Variants in NEK6 observed in about 807,000 individuals in gnomAD.
The protein encoded by NEK6 is NIMA related kinase 6.
NEK6 carries 27 observed loss-of-function variants against 43.5 expected under a neutral mutation model. The observed-to-expected ratio is 0.62, with a 90% CI of 0.46 to 0.86. The LOEUF (loss-of-function observed/expected upper bound fraction) is 0.86. Ranked by LOEUF, NEK6 falls within the 40% of genes least tolerant of loss-of-function variation. The probability of loss-of-function intolerance (pLI) is 0.00; values close to 1 mark genes in which losing one functional copy is unlikely to be tolerated. For missense variants in NEK6, 318 were observed against 414.4 expected, an observed-to-expected ratio of 0.77 and a Z score of 2.02; for synonymous variants, 167 against 164.1, an observed-to-expected ratio of 1.02 and a Z score of -0.14.
chr9:124,303,355 T>G (rs1833092080), intron 2 of NEK6, among the ~76,000 whole-genome samples: 1 of 129,200 alleles, frequency 7.7e-6, no homozygotes, highest in African/African-American at 2.6e-5. Flanking sequence ...GACTTCAGAT[T>G]GGCTGATGTT....
chr9:124,287,487 G>A (rs1438832794), intron 1 of NEK6, among the ~76,000 whole-genome samples: 1 of 152,146 alleles, frequency 6.6e-6, no homozygotes, highest in Non-Finnish European at 1.5e-5. Context: ...GTTGTCATGC[G>A]GCTCCCTATG....
At chr9:124,350,153 C>T (rs544260560) in intron 9 of NEK6, among the ~76,000 whole-genome samples, 11 of 152,332 alleles carry the variant, frequency 7.2e-5, no homozygotes, top group Non-Finnish European at 1.6e-4. Context: ...GGGCTGACCA[C>T]CCCTCCAGCA....
At position 124,281,487 on chromosome 9, in the gene NEK6, C is replaced by CTTTTTT. The variant is rs759381068; in HGVS notation, c.-29-20424_-29-20419dup. 5.1e-4 allele frequency among the ~76,000 whole-genome samples: 52 copies of CTTTTTT among 102,960 alleles called. 1 individual carries two copies. The highest frequency in any genetic ancestry group is 1.0e-3 in the African/African-American group (26 of 25,700). The allele number at this position is 102,960 out of a possible 152,430, so 67.5% of individuals were successfully genotyped here. On this transcript the variant is annotated intron_variant, in intron 1 of 9. Coordinates refer to ENST00000320246, the MANE Select transcript of NEK6 (RefSeq NM_014397.6). The stretch of plus-strand genomic sequence containing the variant: ...CTACTTTCCATGTCAGCTGTTTTTT[C>CTTTTTT]TTTTTTTTTTTTTTTTTTTTTTTTT...
At chr9:124,306,022 C>T (rs946194489) in intron 2 of NEK6, among the ~76,000 whole-genome samples, 4 of 152,102 alleles carry the variant, frequency 2.6e-5, no homozygotes, top group Non-Finnish European at 5.9e-5. Context: ...CTAGATAGAT[C>T]ACTGGTGGCT....
chr9:124,305,617 A>G (rs186343731), intron 2 of NEK6, among the ~76,000 whole-genome samples: 14 of 152,108 alleles, frequency 9.2e-5, no homozygotes, highest in Non-Finnish European at 1.5e-4. Flanking sequence ...CAATTCAGCA[A>G]CTGTTTTTTT....
At chr9:124,282,668 G>A (rs1046897593) in intron 1 of NEK6, among the ~76,000 whole-genome samples, 2 of 151,618 alleles carry the variant, frequency 1.3e-5, no homozygotes, top group Non-Finnish European at 2.9e-5. Context: ...GGGCACGGGA[G>A]GGCCGGGATC....
intron 2 of NEK6, among the ~76,000 whole-genome samples, chr9:124,305,357 C>T (rs1010913611): frequency 2.1e-4 from 32 of 152,078 alleles, no homozygotes; most frequent in Non-Finnish European, 1.0e-4. Context: ...AGTTCAAGAC[C>T]AACCTGGGCA....
chr9:124,302,835 C>G (rs1471036033), intron 2 of NEK6, among the ~76,000 whole-genome samples: 1 of 152,252 alleles, frequency 6.6e-6, no homozygotes, highest in African/African-American at 2.4e-5. Context: ...GTCTGCCTCA[C>G]TTTCTAGATG....
rs144443420 is a variant in NEK6 at position 124,271,485 on chromosome 9, C to T, written c.-30+13400C>T. Reference sequence around the variant, plus strand: ...TAGTACCCACTGTGCACCGGAGACCCGGCCAAGTACTTTCCGTGTGTTGCC... The same window carrying T: ...TAGTACCCACTGTGCACCGGAGACCTGGCCAAGTACTTTCCGTGTGTTGCC... On this transcript the variant is annotated intron_variant, in intron 1 of 9. Coordinates refer to ENST00000320246, the MANE Select transcript of NEK6 (RefSeq NM_014397.6). 3.7e-3 allele frequency among the ~76,000 whole-genome samples: 562 copies of T among 152,340 alleles called. 15 individuals carry two copies. The highest frequency in any genetic ancestry group is 7.8e-4 in the Admixed American group (12 of 15,304).
chr9:124,336,910 G>A (rs2131021424), intron 7 of NEK6, among the ~76,000 whole-genome samples: 1 of 151,932 alleles, frequency 6.6e-6, no homozygotes, highest in Admixed American at 6.6e-5. Context: ...TCAGGAGGCT[G>A]AGGCATGAGA....
chr9:124,323,698 C>G (rs1437992996), intron 5 of NEK6, among the ~76,000 whole-genome samples: 2 of 152,090 alleles, frequency 1.3e-5, no homozygotes, highest in African/African-American at 4.8e-5. Context: ...ACCTCAGTTT[C>G]CACCCTGTCC....
At chr9:124,332,449 C>T (rs1829051533) in intron 7 of NEK6, among the ~76,000 whole-genome samples, 1 of 152,214 alleles carries the variant, frequency 6.6e-6, no homozygotes, top group South Asian at 2.1e-4. Flanking sequence ...GAAGCAGGTG[C>T]AGCCCAGCCA....
intron 7 of NEK6, among the ~76,000 whole-genome samples, chr9:124,331,855 G>T (rs182623415): frequency 6.6e-6 from 1 of 152,220 alleles, no homozygotes; most frequent in African/African-American, 2.4e-5. Flanking sequence ...ATCCCAGGCC[G>T]CCTCCTGCCC....
At chr9:124,279,265 A>C (rs1831787022) in intron 1 of NEK6, among the ~76,000 whole-genome samples, 1 of 149,924 alleles carries the variant, frequency 6.7e-6, no homozygotes, top group South Asian at 2.1e-4. Context: ...ACACCAGCCC[A>C]GTCCCTTTGC....
intron 3 of NEK6, 68 bp from the exon 4 acceptor site, chr9:124,313,855 C>A: frequency 6.5e-7 from 1 of 1,538,348 alleles, no homozygotes; most frequent in South Asian, 1.1e-5. Context: ...AAGCAGACCC[C>A]GTGGCCTCCT....
intron 8 of NEK6, among the ~76,000 whole-genome samples, chr9:124,344,608 C>T (rs1023238444): frequency 1.3e-5 from 2 of 152,230 alleles, no homozygotes; most frequent in Admixed American, 6.5e-5. Flanking sequence ...GAAGGCCGGG[C>T]TCTGTTCTCG....
At position 124,343,842 on chromosome 9, in the gene NEK6, C is replaced by T. The variant is rs964058332; in HGVS notation, c.718-3867C>T. 5.3e-5 allele frequency among the ~76,000 whole-genome samples: 8 copies of T among 152,294 alleles called. No homozygotes were observed. The East Asian group carries it at 9.7e-4, about 18-fold the overall frequency. On this transcript the variant is annotated intron_variant, in intron 8 of 9. Transcript: ENST00000320246. The surrounding 1 kb of genome is among the most constrained non-coding windows in gnomAD (Gnocchi z 5.1). ...CCCTTCCCCAAGCCCCAGCACAGCCCGGAAGGCTCAAAAGCCCCTGTGCTC... is the reference window on the plus strand; with the variant it reads ...CCCTTCCCCAAGCCCCAGCACAGCCTGGAAGGCTCAAAAGCCCCTGTGCTC...
rs760661821 is a variant in NEK6, at chr9:124,347,774, C to A, written c.783C>A (p.Ile261=). The stretch of plus-strand genomic sequence containing the variant: ...ATCTCTTCTCCCTGTGCCAGAAGAT[C>A]GAGCAGTGTGACTACCCCCCACTCC... ...KMNLFSLCQK[I]EQCDYPPLPG... The change falls in exon 9 of 10, where the codon ATC becomes ATA. Residue 261 remains isoleucine, a synonymous_variant. Coordinates refer to ENST00000320246, the MANE Select transcript of NEK6 (RefSeq NM_014397.6). 6.2e-7 allele frequency: 1 copy of A among 1,613,268 alleles called. No homozygotes were observed. Among genetic ancestry groups the A allele is most frequent in the African/African-American group, 1.3e-5 (1 of 74,992 alleles).
intron 1 of NEK6, chr9:124,292,719 T>A (rs1467265036): frequency 2.7e-6 from 3 of 1,123,464 alleles, no homozygotes; most frequent in Middle Eastern, 2.7e-4. Context: ...GGGGCCAGGC[T>A]TCTCCCTCCT....
Sources: gnomAD v4.1 joint callset for allele counts (sites outside exome capture counted in the v4.1 genomes callset) on GRCh38, gnomAD v4.1.1 for gene constraint, Gnocchi (gnomAD v3.1) non-coding constraint, MANE v1.5 for transcripts, NCBI Gene and HGNC (gene_info 2026-07-23, HGNC 2026-07-21) for gene names.